Variants in GPC6 observed in about 807,000 individuals in gnomAD.
The protein encoded by GPC6 is glypican-6.
Under a neutral mutation model 55.2 loss-of-function variants are expected in GPC6, and 14 were observed. That is an observed-to-expected ratio of 0.25 (90% CI 0.17 to 0.40). GPC6 has a LOEUF of 0.40. GPC6 is among the 10% of genes least tolerant of loss of function. The probability of loss-of-function intolerance (pLI) is 1.00; values close to 1 mark genes in which losing one functional copy is unlikely to be tolerated. For missense variants in GPC6, 641 were observed against 708.5 expected (o/e 0.90, Z 1.08); for synonymous variants, 278 against 259.6 (o/e 1.07, Z -0.68).
chr13:93,883,321 C>CAGAATGG, intron 3 of GPC6, among the ~76,000 whole-genome samples: 1 of 151,934 alleles, frequency 6.6e-6, no homozygotes, highest in South Asian at 2.1e-4. Context: ...CACCAAATTG[C>CAGAATGG]CCTGCAGAAT....
Position 93,352,488 on chromosome 13 carries a change from G to A in GPC6, c.160+124872G>A, listed in dbSNP as rs931952465. Among the ~76,000 whole-genome samples, 12 of 152,164 alleles carry A rather than the reference G, an allele frequency of 7.9e-5. No homozygotes were observed. In the East Asian group the frequency reaches 1.7e-3, roughly 22 times the overall value. On this transcript the variant is annotated intron_variant, in intron 1 of 8. Transcript: ENST00000377047. ...TAAATTCTGGCCATTTATATTTTAC[G>A]AATTTTGTTGTGCAAATTGGGTTTG...
intron 4 of GPC6, among the ~76,000 whole-genome samples, chr13:94,076,534 A>G (rs1304015092): frequency 6.6e-6 from 1 of 151,798 alleles, no homozygotes; most frequent in Non-Finnish European, 1.5e-5. Context: ...TTTGGGTTTG[A>G]TATCCAAAAA....
At chr13:94,227,693 G>A (rs905546724) in intron 4 of GPC6, among the ~76,000 whole-genome samples, 7 of 152,080 alleles carry the variant, frequency 4.6e-5, no homozygotes, top group Admixed American at 2.0e-4. Flanking sequence ...AAACAACCCC[G>A]AGATCTTGGT....
At chr13:93,688,583 C>G (rs899446467) in intron 2 of GPC6, among the ~76,000 whole-genome samples, 3 of 152,000 alleles carry the variant, frequency 2.0e-5, no homozygotes, top group Non-Finnish European at 4.4e-5. Flanking sequence ...AAATATGATT[C>G]AGCTATAAAA....
chr13:93,576,068 T>C (rs925537289), intron 2 of GPC6, among the ~76,000 whole-genome samples: 2 of 152,202 alleles, frequency 1.3e-5, no homozygotes, highest in Non-Finnish European at 2.9e-5. Context: ...CCTTTGCTTG[T>C]ATATGCTTCT....
chr13:93,270,936 G>A (rs1292096072), intron 1 of GPC6, among the ~76,000 whole-genome samples: 2 of 152,168 alleles, frequency 1.3e-5, no homozygotes, highest in East Asian at 3.9e-4. Context: ...TAGGTTGAAA[G>A]GGCTTTCTGC....
At chr13:93,805,458 A>G (rs190697500) in intron 2 of GPC6, among the ~76,000 whole-genome samples, 1 of 152,164 alleles carries the variant, frequency 6.6e-6, no homozygotes, top group African/African-American at 2.4e-5. Flanking sequence ...GGGGAATCAT[A>G]TACATTTTAA....
intron 7 of GPC6, among the ~76,000 whole-genome samples, chr13:94,396,508 G>A (rs778820959): frequency 1.3e-4 from 20 of 152,210 alleles, no homozygotes; most frequent in Non-Finnish European, 2.5e-4. Context: ...CAGCTTCAAG[G>A]GGTGAGTTTG....
intron 1 of GPC6, among the ~76,000 whole-genome samples, chr13:93,302,925 CA>C (rs1237635856): frequency 6.6e-6 from 1 of 152,104 alleles, no homozygotes; most frequent in Non-Finnish European, 1.5e-5. Flanking sequence ...AGGAGATTTG[CA>C]AACATAAGCA....
chr13:93,593,644 G>GT (rs1381030452), intron 2 of GPC6, among the ~76,000 whole-genome samples: 1 of 151,966 alleles, frequency 6.6e-6, no homozygotes, highest in African/African-American at 2.4e-5. Flanking sequence ...ATTCTGCTAG[G>GT]TAAAAATATC....
rs577871568 is a variant in GPC6 at position 93,293,232 on chromosome 13, C to T, written c.160+65616C>T. 4.9e-4 allele frequency among the ~76,000 whole-genome samples: 75 copies of T among 151,600 alleles called. 1 individual carries two copies. The highest frequency in any genetic ancestry group is 1.4e-3 in the African/African-American group (58 of 41,308). The stretch of plus-strand genomic sequence containing the variant: ...CCTTTCGTGAGTAGCTGTAGTGTCT[C>T]GGTATTAGGGGGAAAAAAACAATTA... On this transcript the variant is annotated intron_variant, in intron 1 of 8. Coordinates refer to ENST00000377047, the MANE Select transcript of GPC6 (RefSeq NM_005708.5).
At chr13:93,309,446 T>C (rs1878987519) in intron 1 of GPC6, among the ~76,000 whole-genome samples, 1 of 152,148 alleles carries the variant, frequency 6.6e-6, no homozygotes, top group African/African-American at 2.4e-5. Context: ...ATATATTCTG[T>C]ATTATTTTAA....
intron 6 of GPC6, among the ~76,000 whole-genome samples, chr13:94,353,016 C>T (rs566702372): frequency 6.6e-6 from 1 of 152,244 alleles, no homozygotes; most frequent in East Asian, 1.9e-4. Flanking sequence ...ACAGCTCATG[C>T]AGAGGTGGTC....
chr13:93,590,951 C>A (rs113532861), intron 2 of GPC6, among the ~76,000 whole-genome samples: 5,477 of 151,222 alleles, frequency 0.036, 335 homozygotes, highest in African/African-American at 0.13. Flanking sequence ...CTAACCTGCA[C>A]AATGTGCACA....
intron 4 of GPC6, among the ~76,000 whole-genome samples, chr13:94,052,063 T>C (rs1883967253): frequency 6.6e-6 from 1 of 152,086 alleles, no homozygotes; most frequent in African/African-American, 2.4e-5. Context: ...GAGTTCCCAG[T>C]CTGGTGGGGA....
At chr13:93,812,097 G>C (rs931923913) in intron 2 of GPC6, among the ~76,000 whole-genome samples, 5 of 145,368 alleles carry the variant, frequency 3.4e-5, no homozygotes, top group African/African-American at 1.3e-4. Flanking sequence ...GGCTGGGTAC[G>C]TTGGCTCACG....
intron 2 of GPC6, among the ~76,000 whole-genome samples, chr13:93,752,060 C>G (rs1229577702): frequency 6.6e-6 from 1 of 151,952 alleles, no homozygotes; most frequent in African/African-American, 2.4e-5. Context: ...GTATAATAGT[C>G]CAGAAAAAAA....
intron 1 of GPC6, among the ~76,000 whole-genome samples, chr13:93,535,695 A>C (rs1221249365): frequency 6.6e-6 from 1 of 151,642 alleles, no homozygotes; most frequent in Admixed American, 6.6e-5. Context: ...AAAAAAAAAA[A>C]AAAAAACCAA....
chr13:93,789,580 T>TATATATATAATACTAC (rs1885940302), intron 2 of GPC6, among the ~76,000 whole-genome samples: 5 of 81,058 alleles, frequency 6.2e-5, no homozygotes, highest in Non-Finnish European at 1.3e-4. Flanking sequence ...ATATAAATAC[T>TATATATATAATACTAC]ATATATATAT....
Sources: gnomAD v4.1 joint callset for allele counts (sites outside exome capture counted in the v4.1 genomes callset) on GRCh38, gnomAD v4.1.1 for gene constraint, MANE v1.5 for transcripts, NCBI Gene and HGNC (gene_info 2026-07-23, HGNC 2026-07-21) for gene names.